DKK2: variants seen among roughly 807,000 people sequenced by gnomAD.
DKK2 encodes the protein dickkopf Wnt signaling pathway inhibitor 2, also known as dickkopf-related protein 2.
A neutral mutation model predicts 28.1 loss-of-function variants in DKK2; 11 were observed. That is an observed-to-expected ratio of 0.39 (90% CI 0.25 to 0.65). The LOEUF is 0.65. Ranked by LOEUF, DKK2 falls within the 30% of genes least tolerant of loss-of-function variation. The pLI is 0.47. For missense variants in DKK2, 326 were observed against 335.5 expected (o/e 0.97, Z 0.22); for synonymous variants, 135 against 126.5 (o/e 1.07, Z -0.45).
At chr4:106,935,211 A>G (rs1338095366) in intron 1 of DKK2, among the ~76,000 whole-genome samples, 1 of 152,208 alleles carries the variant, frequency 6.6e-6, no homozygotes, top group Non-Finnish European at 1.5e-5. Flanking sequence ...TACCGGGTTC[A>G]TCTCACTAGG....
At chr4:106,924,791 A>G (rs1432371338) in intron 2 of DKK2, 91 bp from the exon 3 acceptor site, 1 of 1,274,036 alleles carries the variant, frequency 7.8e-7, no homozygotes, top group Non-Finnish European at 1.1e-6. Flanking sequence ...ATATGAAGCC[A>G]TTTATCTATC....
chr4:106,983,056 G>A (rs1578367366), intron 1 of DKK2, among the ~76,000 whole-genome samples: 1 of 146,436 alleles, frequency 6.8e-6, no homozygotes, highest in Non-Finnish European at 1.5e-5. Flanking sequence ...GAAAGAAAGA[G>A]AAAAGAAAGA....
chr4:106,946,700 T>C (rs997890159), intron 1 of DKK2, among the ~76,000 whole-genome samples: 2 of 151,426 alleles, frequency 1.3e-5, no homozygotes, highest in Admixed American at 1.3e-4. Flanking sequence ...CTTGGAGAGG[T>C]TGAAAAATCA....
intron 1 of DKK2, among the ~76,000 whole-genome samples, chr4:107,006,087 A>G (rs1208944427): frequency 6.6e-6 from 1 of 152,220 alleles, no homozygotes; most frequent in Admixed American, 6.5e-5. Context: ...AACGTTTAAG[A>G]TTATATTGAA....
At chr4:106,945,909 C>T (rs188170269) in intron 1 of DKK2, among the ~76,000 whole-genome samples, 6 of 152,232 alleles carry the variant, frequency 3.9e-5, no homozygotes, top group African/African-American at 1.2e-4. Flanking sequence ...CACAGCCAGC[C>T]ATGGATCCTT....
intron 1 of DKK2, among the ~76,000 whole-genome samples, chr4:106,930,783 G>T (rs1264732604): frequency 1.3e-5 from 2 of 152,112 alleles, no homozygotes; most frequent in Non-Finnish European, 2.9e-5. Context: ...CCAGCTGTGG[G>T]AATGAAAAAC....
At chr4:107,030,114 T>A (rs370035368) in intron 1 of DKK2, among the ~76,000 whole-genome samples, 3 of 152,186 alleles carry the variant, frequency 2.0e-5, no homozygotes, top group Non-Finnish European at 2.9e-5. Flanking sequence ...TTAAAAAAAA[T>A]TTAACAGGAT....
intron 1 of DKK2, among the ~76,000 whole-genome samples, chr4:106,953,349 C>A (rs1722519813): frequency 6.6e-6 from 1 of 152,170 alleles, no homozygotes; most frequent in African/African-American, 2.4e-5. Context: ...GACAAAAATT[C>A]ACTTACAGCA....
intron 1 of DKK2, among the ~76,000 whole-genome samples, chr4:106,981,095 C>T (rs1358156809): frequency 6.6e-6 from 1 of 151,924 alleles, no homozygotes; most frequent in Non-Finnish European, 1.5e-5. Flanking sequence ...TCATTTAAAG[C>T]CTGTTTAAAG....
chr4:106,990,734 A>G (rs1723191014), intron 1 of DKK2, among the ~76,000 whole-genome samples: 1 of 152,188 alleles, frequency 6.6e-6, no homozygotes, highest in South Asian at 2.1e-4. Flanking sequence ...GCCAAACTCA[A>G]CTGGCAACCA....
At chr4:107,010,102 C>T (rs1347490492) in intron 1 of DKK2, among the ~76,000 whole-genome samples, 1 of 151,620 alleles carries the variant, frequency 6.6e-6, no homozygotes, top group African/African-American at 2.4e-5. Context: ...TTTCCTTTCA[C>T]GTAAATGAGT....
At chr4:106,985,890 G>C (rs1223394030) in intron 1 of DKK2, among the ~76,000 whole-genome samples, 1 of 151,626 alleles carries the variant, frequency 6.6e-6, no homozygotes, top group East Asian at 1.9e-4. Context: ...GAGAAGAAAG[G>C]AGGGAGGAAA....
At chr4:106,975,787 G>T (rs563526531) in intron 1 of DKK2, among the ~76,000 whole-genome samples, 1 of 152,106 alleles carries the variant, frequency 6.6e-6, no homozygotes, top group African/African-American at 2.4e-5. Flanking sequence ...GCTAGCTTTT[G>T]ACTTTGTTTG....
At chr4:107,007,849 C>A (rs567346509) in intron 1 of DKK2, among the ~76,000 whole-genome samples, 3 of 152,110 alleles carry the variant, frequency 2.0e-5, no homozygotes, top group Non-Finnish European at 4.4e-5. Context: ...TACATAAAAA[C>A]ATACTTGATA....
At chr4:106,948,039 A>G (rs1366389177) in intron 1 of DKK2, among the ~76,000 whole-genome samples, 1 of 152,156 alleles carries the variant, frequency 6.6e-6, no homozygotes, top group Non-Finnish European at 1.5e-5. Context: ...AAACATTTCC[A>G]TCACTCCTAA....
At chr4:106,942,187 C>T (rs1012365334) in intron 1 of DKK2, among the ~76,000 whole-genome samples, 1 of 152,108 alleles carries the variant, frequency 6.6e-6, no homozygotes, top group Admixed American at 6.6e-5. Context: ...AAATGTGGTA[C>T]ATCTTGTGAT....
At chr4:106,957,424 A>C (rs1347832614) in intron 1 of DKK2, among the ~76,000 whole-genome samples, 2 of 152,124 alleles carry the variant, frequency 1.3e-5, no homozygotes. Context: ...AAGGATTATA[A>C]ATCATGCTGC....
intron 1 of DKK2, among the ~76,000 whole-genome samples, chr4:106,931,576 A>AAAC (rs1724505974): frequency 6.6e-6 from 1 of 152,194 alleles, no homozygotes; most frequent in Non-Finnish European, 1.5e-5. Flanking sequence ...ACTATTAATT[A>AAAC]AACATTTTCT....
chr4:106,978,817 T>C (rs1722983467), intron 1 of DKK2, among the ~76,000 whole-genome samples: 1 of 149,818 alleles, frequency 6.7e-6, no homozygotes, highest in Non-Finnish European at 1.5e-5. Context: ...ACAAACAAAC[T>C]CCTGCAGCTA....
Sources: gnomAD v4.1 joint callset for allele counts (sites outside exome capture counted in the v4.1 genomes callset) on GRCh38, gnomAD v4.1.1 for gene constraint, MANE v1.5 for transcripts, NCBI Gene and HGNC (gene_info 2026-07-23, HGNC 2026-07-21) for gene names.